Variants in RAPGEF4 observed in about 807,000 individuals in gnomAD.
The protein encoded by RAPGEF4 is Rap guanine nucleotide exchange factor 4, also known as RAP guanine-nucleotide-exchange factor (GEF) 4.
A neutral mutation model predicts 147.9 loss-of-function variants in RAPGEF4; 66 were observed. The ratio of observed to expected loss-of-function variants is 0.45; its 90% CI spans 0.37 to 0.55. The LOEUF (loss-of-function observed/expected upper bound fraction) is 0.55. RAPGEF4 is among the 20% of genes least tolerant of loss of function. The pLI, the probability that RAPGEF4 is intolerant of heterozygous loss-of-function variation, is 0.00. For missense variants in RAPGEF4, 1,071 were observed against 1,257.3 expected (o/e 0.85, Z 2.24); for synonymous variants, 419 against 442.7 (o/e 0.95, Z 0.67).
intron 4 of RAPGEF4, among the ~76,000 whole-genome samples, chr2:172,884,788 C>T (rs1217863886): frequency 6.6e-6 from 1 of 152,204 alleles, no homozygotes; most frequent in East Asian, 1.9e-4. Context: ...CAAAAAAATA[C>T]ATATGCAACA....
chr2:172,890,226 G>T (rs1032736387), intron 4 of RAPGEF4, among the ~76,000 whole-genome samples: 5 of 152,248 alleles, frequency 3.3e-5, no homozygotes, highest in Non-Finnish European at 7.3e-5. Context: ...TCTATTTAAG[G>T]AGAGGAAGTT....
Position 172,960,712 on chromosome 2 carries a change from G to T in RAPGEF4, c.538-48G>T, listed in dbSNP as rs760321947. On this transcript the variant is annotated intron_variant, in intron 6 of 30. Coordinates refer to ENST00000397081, the MANE Select transcript of RAPGEF4 (RefSeq NM_007023.4). ...ATCCCCCAACCCATAATTTTCTTCA[G>T]TGAACTTTTTGTTTAATTTTCTTTT... 15 of 1,417,966 alleles carry T rather than the reference G, an allele frequency of 1.1e-5. No individual in the cohort carries two copies. In the South Asian group the frequency reaches 1.7e-4, roughly 16 times the overall value. The allele number at this position is 1,417,966 out of a possible 1,614,324, so 87.8% of individuals were successfully genotyped here. A position where few individuals can be genotyped will look rare whatever the true frequency, so the allele number is the denominator to read the frequency against.
intron 17 of RAPGEF4, among the ~76,000 whole-genome samples, chr2:173,012,043 T>C (rs2121481): frequency 0.67 from 101,237 of 151,626 alleles, 34,644 homozygotes; most frequent in East Asian, 1. Context: ...TTTTTAAGAT[T>C]GTAGTTTATA....
chr2:172,763,371 C>T (rs551683610), intron 1 of RAPGEF4, among the ~76,000 whole-genome samples: 1 of 152,282 alleles, frequency 6.6e-6, no homozygotes, highest in Non-Finnish European at 1.5e-5. Context: ...GGGGACAGTC[C>T]TTGCCATTAT....
At chr2:172,761,990 C>T (rs778658563) in intron 1 of RAPGEF4, among the ~76,000 whole-genome samples, 3 of 152,070 alleles carry the variant, frequency 2.0e-5, no homozygotes, top group South Asian at 2.1e-4. Context: ...AGGGTGGTAA[C>T]GAGCACCTGT....
chr2:172,893,476 G>A (rs1444105414), intron 4 of RAPGEF4, among the ~76,000 whole-genome samples: 2 of 152,200 alleles, frequency 1.3e-5, no homozygotes, highest in South Asian at 2.1e-4. Context: ...TTTATAAAGC[G>A]CATCGACCCC....
At chr2:172,772,855 T>G (rs1292450847) in intron 1 of RAPGEF4, among the ~76,000 whole-genome samples, 1 of 152,234 alleles carries the variant, frequency 6.6e-6, no homozygotes, top group Non-Finnish European at 1.5e-5. Context: ...CTTTATTTAC[T>G]TGTCCTAGTT....
intron 12 of RAPGEF4, among the ~76,000 whole-genome samples, chr2:172,987,020 T>G (rs1692332567): frequency 6.6e-6 from 1 of 152,124 alleles, no homozygotes. Flanking sequence ...TCTAAAGAAT[T>G]AAATTATACA....
At chr2:172,921,268 T>C (rs1684728446) in intron 5 of RAPGEF4, among the ~76,000 whole-genome samples, 1 of 152,042 alleles carries the variant, frequency 6.6e-6, no homozygotes, top group Non-Finnish European at 1.5e-5. Context: ...AGCTAGTTTT[T>C]TGTGGAGACA....
At chr2:172,935,285 T>G (rs763486310) in intron 6 of RAPGEF4, among the ~76,000 whole-genome samples, 4 of 152,108 alleles carry the variant, frequency 2.6e-5, no homozygotes, top group Admixed American at 6.5e-5. Context: ...CCTAGAAACA[T>G]GGCAACCAAC....
intron 6 of RAPGEF4, among the ~76,000 whole-genome samples, chr2:172,957,488 G>A (rs150248923): frequency 1.3e-5 from 2 of 152,346 alleles, no homozygotes; most frequent in African/African-American, 4.8e-5. Context: ...TGCCTGTCAG[G>A]CTTGCCCTGT....
At chr2:172,845,967 G>T (rs968599699) in intron 4 of RAPGEF4, among the ~76,000 whole-genome samples, 2 of 152,142 alleles carry the variant, frequency 1.3e-5, no homozygotes, top group Non-Finnish European at 1.5e-5. Flanking sequence ...GAGACGGAGG[G>T]TCTTTTCAAA....
chr2:173,009,722 G>A (rs966081883), intron 17 of RAPGEF4, among the ~76,000 whole-genome samples: 2 of 152,182 alleles, frequency 1.3e-5, no homozygotes, highest in African/African-American at 2.4e-5. Flanking sequence ...GTCGCAGTGA[G>A]CCCCTGCTTT....
chr2:173,012,866 G>A (rs1465073550), intron 17 of RAPGEF4, among the ~76,000 whole-genome samples: 1 of 152,140 alleles, frequency 6.6e-6, no homozygotes, highest in Non-Finnish European at 1.5e-5. Flanking sequence ...TTAAAAAATG[G>A]TCATAAAATA....
Position 172,955,750 on chromosome 2 carries a change from C to T in RAPGEF4, c.538-5010C>T, listed in dbSNP as rs992326038. ...ATGCAGCCCCTACTCTGTGCCGTCC[C>T]GCTGTCCTCCTGCCTAGCCTAGCGC... On this transcript the variant is annotated intron_variant, in intron 6 of 30. Transcript: ENST00000397081. 3.3e-5 allele frequency among the ~76,000 whole-genome samples: 5 copies of T among 152,298 alleles called. No individual in the cohort carries two copies. The South Asian group carries it at 8.3e-4, about 25-fold the overall frequency.
At chr2:172,843,254 G>C (rs1018223131) in intron 4 of RAPGEF4, among the ~76,000 whole-genome samples, 1 of 152,172 alleles carries the variant, frequency 6.6e-6, no homozygotes, top group Non-Finnish European at 1.5e-5. Context: ...ACTTGGATAA[G>C]AGGAAAAGGG....
intron 1 of RAPGEF4, among the ~76,000 whole-genome samples, chr2:172,785,616 A>G (rs1339884968): frequency 2.0e-5 from 3 of 152,206 alleles, no homozygotes; most frequent in African/African-American, 7.2e-5. Flanking sequence ...ATGTTTTGAA[A>G]TACATTTACT....
intron 1 of RAPGEF4, among the ~76,000 whole-genome samples, chr2:172,764,383 G>T (rs531108654): frequency 6.6e-6 from 1 of 152,310 alleles, no homozygotes; most frequent in Non-Finnish European, 1.5e-5. Context: ...TTTATTTGCT[G>T]TTTGAATTGA....
chr2:172,930,554 A>G (rs1297945431), intron 6 of RAPGEF4, among the ~76,000 whole-genome samples: 1 of 152,040 alleles, frequency 6.6e-6, no homozygotes, highest in Admixed American at 6.6e-5. Context: ...TTACTTTGCA[A>G]AGCTTTCTAT....
Sources: allele counts gnomAD v4.1 joint callset (sites outside exome capture counted in the v4.1 genomes callset), GRCh38; gene constraint gnomAD v4.1.1; transcripts MANE v1.5; gene names NCBI Gene and HGNC (gene_info 2026-07-23, HGNC 2026-07-21).